FHIP1A: variants seen among roughly 807,000 people sequenced by gnomAD.
The protein encoded by FHIP1A is FHF complex subunit HOOK interacting protein 1A, also known as FHF complex subunit HOOK-interacting protein 1A.
In FHIP1A, 61 loss-of-function variants were observed where a neutral mutation model predicts 88.6. The ratio of observed to expected loss-of-function variants is 0.69; its 90% CI spans 0.56 to 0.85. The LOEUF (loss-of-function observed/expected upper bound fraction) is 0.85. FHIP1A is among the 40% of genes least tolerant of loss of function. The pLI is 0.00. For synonymous variants in FHIP1A, 478 were observed against 496.0 expected, an observed-to-expected ratio of 0.96 and a Z score of 0.48; for missense variants, 1,154 against 1,273.5, an observed-to-expected ratio of 0.91 and a Z score of 1.43.
intron 1 of FHIP1A, among the ~76,000 whole-genome samples, chr4:151,428,862 C>T (rs990141942): frequency 7.2e-5 from 11 of 152,328 alleles, no homozygotes; most frequent in African/African-American, 2.4e-4. Flanking sequence ...TTATACATCT[C>T]CACCTCAGCC....
chr4:151,601,592 C>A (rs944418595), intron 7 of FHIP1A, among the ~76,000 whole-genome samples: 2 of 149,368 alleles, frequency 1.3e-5, no homozygotes, highest in Admixed American at 1.4e-4. Flanking sequence ...GAAATGCTAA[C>A]AACATACTAG....
chr4:151,590,119 G>A lies in FHIP1A; in HGVS notation c.978+1193G>A, dbSNP rs566257810. Reference sequence around the variant, plus strand: ...ATTCTGTTGTTCCAGGGATGGAATGGGTATCTTGCATTGAAGACCTCTAAG... The same window carrying A: ...ATTCTGTTGTTCCAGGGATGGAATGAGTATCTTGCATTGAAGACCTCTAAG... On this transcript the variant is annotated intron_variant, in intron 7 of 13. Coordinates refer to ENST00000435205, the MANE Select transcript of FHIP1A (RefSeq NM_001109977.3). Among the ~76,000 whole-genome samples, 162 of 152,258 alleles carry A rather than the reference G, an allele frequency of 1.1e-3. 1 individual carries two copies. Among genetic ancestry groups the A allele is most frequent in the Non-Finnish European group, 2.0e-3 (136 of 68,018 alleles).
Position 151,586,664 on chromosome 4 carries a change from T to A in FHIP1A, c.756T>A (p.Gly252=), listed in dbSNP as rs1465083011. The change falls in exon 6 of 14, where the codon GGT becomes GGA. Residue 252 remains glycine (G), a synonymous_variant. Transcript: ENST00000435205. ...FCPVLATGLS[G]LYSSLPTKLE... Reference sequence around the variant, plus strand: ...AGGTACTTGCAACTGGGCTCAGTGGTCTCTACTCTTCCCTGCCTACAAAGC... The same window carrying A: ...AGGTACTTGCAACTGGGCTCAGTGGACTCTACTCTTCCCTGCCTACAAAGC... 6.5e-7 allele frequency: 1 copy of A among 1,550,288 alleles called. No individual in the cohort carries two copies. Among genetic ancestry groups the A allele is most frequent in the African/African-American group, 1.4e-5 (1 of 73,002 alleles).
intron 3 of FHIP1A, among the ~76,000 whole-genome samples, chr4:151,553,812 C>A (rs1732840039): frequency 6.6e-6 from 1 of 152,098 alleles, no homozygotes; most frequent in African/African-American, 2.4e-5. Flanking sequence ...GTTCTGTTGA[C>A]CTTATGTCCA....
intron 2 of FHIP1A, among the ~76,000 whole-genome samples, chr4:151,471,642 TG>T (rs1729516393): frequency 6.6e-6 from 1 of 152,130 alleles, no homozygotes; most frequent in African/African-American, 2.4e-5. Context: ...CATACGTTAT[TG>T]GGGATCAGGT....
intron 3 of FHIP1A, among the ~76,000 whole-genome samples, chr4:151,497,978 A>T (rs1367776975): frequency 2.0e-5 from 3 of 152,168 alleles, no homozygotes; most frequent in Non-Finnish European, 2.9e-5. Context: ...GCCTGCTTTC[A>T]GCAAGAATCC....
At chr4:151,443,697 GTGT>G (rs1437142316) in intron 1 of FHIP1A, among the ~76,000 whole-genome samples, 6 of 149,668 alleles carry the variant, frequency 4.0e-5, no homozygotes, top group South Asian at 2.1e-4. Context: ...GTGTGTGTGT[GTGT>G]GTGTGTGTGT....
chr4:151,658,832 A>G (rs1218343220), intron 13 of FHIP1A, among the ~76,000 whole-genome samples: 1 of 152,160 alleles, frequency 6.6e-6, no homozygotes, highest in Admixed American at 6.5e-5. Flanking sequence ...CATTAGCTTA[A>G]TTTTCATTAA....
chr4:151,555,805 C>T (rs567642123), intron 3 of FHIP1A, among the ~76,000 whole-genome samples: 2 of 152,224 alleles, frequency 1.3e-5, no homozygotes, highest in Middle Eastern at 3.4e-3. Context: ...TTGCTCAAGT[C>T]AGCTAGTAAT....
Position 151,445,849 on chromosome 4 carries a change from AATATATATATAT to A in FHIP1A, c.-355-8839_-355-8828del, listed in dbSNP as rs56199696. 9.2e-5 allele frequency among the ~76,000 whole-genome samples: 9 copies of A among 98,006 alleles called. 1 individual carries two copies. The highest frequency in any genetic ancestry group is 1.1e-4 in the Non-Finnish European group (5 of 43,996). The allele number at this position is 98,006 out of a possible 152,430, so 64.3% of individuals were successfully genotyped here. ...CAGCCTGAGAGACCTCATCTCTTAA[AATATATATATAT>A]ATATATATATATTTCATATGATATG... is the stretch of plus-strand genomic sequence containing the variant. On this transcript the variant is annotated intron_variant, in intron 1 of 13. Transcript: ENST00000435205.
intron 3 of FHIP1A, among the ~76,000 whole-genome samples, chr4:151,549,103 G>A (rs1578739283): frequency 6.6e-6 from 1 of 152,104 alleles, no homozygotes; most frequent in African/African-American, 2.4e-5. Flanking sequence ...AGCCAGAGTG[G>A]CGGGGTGAGT....
rs115610117 is a variant in FHIP1A at position 151,519,850 on chromosome 4, A to G, written c.-123+37202A>G. Among the ~76,000 whole-genome samples, 1,395 of 152,256 alleles carry G rather than the reference A, an allele frequency of 9.2e-3. 19 individuals are homozygous for G. Among genetic ancestry groups the G allele is most frequent in the African/African-American group, 0.031 (1,304 of 41,564 alleles). ...ACTTTGGTCATTCTGGTTGGTGGGT[A>G]GTGGCATAATGATATTGAGCCTATT... is the stretch of plus-strand genomic sequence containing the variant. On this transcript the variant is annotated intron_variant, in intron 3 of 13. Transcript: ENST00000435205.
intron 3 of FHIP1A, among the ~76,000 whole-genome samples, chr4:151,532,150 A>G (rs999077932): frequency 6.6e-6 from 1 of 152,078 alleles, no homozygotes; most frequent in African/African-American, 2.4e-5. Context: ...TGGTTTTGTC[A>G]TTGCGAAACT....
chr4:151,508,301 A>G (rs1456630203), intron 3 of FHIP1A, among the ~76,000 whole-genome samples: 1 of 152,206 alleles, frequency 6.6e-6, no homozygotes, highest in Non-Finnish European at 1.5e-5. Context: ...AGGCACAATA[A>G]TTTGGGGAGA....
chr4:151,587,592 G>A (rs959493433), intron 6 of FHIP1A, among the ~76,000 whole-genome samples: 20 of 150,044 alleles, frequency 1.3e-4, no homozygotes, highest in Admixed American at 2.0e-4. Context: ...ATGTATACAT[G>A]TGTCATTTTG....
intron 7 of FHIP1A, among the ~76,000 whole-genome samples, chr4:151,607,992 C>T (rs1735138638): frequency 7.0e-6 from 1 of 142,946 alleles, no homozygotes. Flanking sequence ...GCCAGCATCA[C>T]TTTTGATTTT....
intron 7 of FHIP1A, among the ~76,000 whole-genome samples, chr4:151,627,513 G>A (rs780928995): frequency 1.3e-4 from 20 of 152,216 alleles, no homozygotes; most frequent in Admixed American, 3.3e-4. Context: ...TGAAAATATT[G>A]TGTTACAGAA....
chr4:151,621,569 G>C (rs375444374), intron 7 of FHIP1A, among the ~76,000 whole-genome samples: 1 of 148,504 alleles, frequency 6.7e-6, no homozygotes, highest in Admixed American at 6.7e-5. Context: ...TGGGGGGTGC[G>C]TGGGGGAGGA....
intron 2 of FHIP1A, among the ~76,000 whole-genome samples, chr4:151,465,127 C>T (rs545999912): frequency 7.9e-5 from 12 of 152,098 alleles, no homozygotes; most frequent in South Asian, 6.2e-4. Flanking sequence ...CCCAGAAGTC[C>T]GTGGCTGCAA....
Sources: allele counts gnomAD v4.1 joint callset (sites outside exome capture counted in the v4.1 genomes callset), GRCh38; gene constraint gnomAD v4.1.1; transcripts MANE v1.5; gene names NCBI Gene and HGNC (gene_info 2026-07-23, HGNC 2026-07-21).